Variants in CAMTA1 observed in about 807,000 individuals in gnomAD.
CAMTA1 encodes calmodulin-binding transcription activator 1.
In CAMTA1, 27 loss-of-function variants were observed where a neutral mutation model predicts 170.9. The ratio of observed to expected loss-of-function variants is 0.16; its 90% CI spans 0.12 to 0.22. The LOEUF (loss-of-function observed/expected upper bound fraction) is 0.22, where lower values mean the gene tolerates loss of function less well. Ranked by LOEUF, CAMTA1 falls within the 10% of genes least tolerant of loss-of-function variation. The pLI, the probability that CAMTA1 is intolerant of heterozygous loss-of-function variation, is 1.00. For synonymous variants in CAMTA1, 833 were observed against 891.5 expected, an observed-to-expected ratio of 0.93 and a Z score of 1.17; for missense variants, 1,619 against 2,217.2, an observed-to-expected ratio of 0.73 and a Z score of 5.42.
chr1:7,212,678 A>G (rs1044205178), intron 4 of CAMTA1, among the ~76,000 whole-genome samples: 1 of 152,180 alleles, frequency 6.6e-6, no homozygotes, highest in Non-Finnish European at 1.5e-5. Context: ...AGGATACTTG[A>G]TGTTGGCACA....
intron 5 of CAMTA1, among the ~76,000 whole-genome samples, chr1:7,329,203 G>A (rs1472995197): frequency 2.0e-5 from 3 of 151,778 alleles, no homozygotes; most frequent in Non-Finnish European, 4.4e-5. Flanking sequence ...AAAATCCCAA[G>A]CTCTAAATTA....
At chr1:6,951,599 G>A (rs1194477664) in intron 3 of CAMTA1, among the ~76,000 whole-genome samples, 3 of 152,164 alleles carry the variant, frequency 2.0e-5, no homozygotes, top group African/African-American at 7.2e-5. Context: ...TAAAGCTCCA[G>A]CCCCCACAGA....
At chr1:7,000,531 C>T (rs1468551070) in intron 3 of CAMTA1, among the ~76,000 whole-genome samples, 1 of 152,178 alleles carries the variant, frequency 6.6e-6, no homozygotes, top group Non-Finnish European at 1.5e-5. Context: ...GTGGAACAGT[C>T]TGGCTGTCTC....
At chr1:7,056,693 G>A (rs192618878) in intron 3 of CAMTA1, among the ~76,000 whole-genome samples, 3 of 152,172 alleles carry the variant, frequency 2.0e-5, no homozygotes, top group East Asian at 1.9e-4. Flanking sequence ...GGGACTCCCA[G>A]AGCCCACCCT....
intron 4 of CAMTA1, among the ~76,000 whole-genome samples, chr1:7,123,581 C>T (rs1644766695): frequency 6.6e-6 from 1 of 152,136 alleles, no homozygotes; most frequent in Admixed American, 6.5e-5. Context: ...TCACCGCTCG[C>T]CTTCACCCAG....
At position 7,592,146 on chromosome 1, in the gene CAMTA1, G is replaced by A. The variant is rs557429397; in HGVS notation, c.511-48254G>A. Among the ~76,000 whole-genome samples the A allele has an allele frequency of 5.3e-5, 8 of 152,188 alleles. No homozygotes were observed. Among genetic ancestry groups the A allele is most frequent in the African/African-American group, 1.4e-4 (6 of 41,526 alleles). ...ACTCCTGACCTCAGATGATCTGCCCGCCTCAACCTCCCAAAGTGCTAGGAT... is the reference window on the plus strand; with the variant it reads ...ACTCCTGACCTCAGATGATCTGCCCACCTCAACCTCCCAAAGTGCTAGGAT... On this transcript the variant is annotated intron_variant, in intron 6 of 22. Coordinates refer to ENST00000303635, the MANE Select transcript of CAMTA1 (RefSeq NM_015215.4). The surrounding 1 kb of genome is among the most constrained non-coding windows in gnomAD (Gnocchi z 4.6).
At chr1:7,341,093 C>G (rs2083795087) in intron 5 of CAMTA1, among the ~76,000 whole-genome samples, 1 of 152,228 alleles carries the variant, frequency 6.6e-6, no homozygotes, top group African/African-American at 2.4e-5. Context: ...GACACCAGCT[C>G]TCTGACCACA....
At chr1:6,995,143 GT>G (rs1696995940) in intron 3 of CAMTA1, among the ~76,000 whole-genome samples, 1 of 151,114 alleles carries the variant, frequency 6.6e-6, no homozygotes, top group South Asian at 2.1e-4. Context: ...ACCAAGGCTT[GT>G]TCATGTTTTT....
intron 5 of CAMTA1, 99 bp from the exon 6 acceptor site, chr1:7,467,731 C>G: frequency 1.8e-6 from 2 of 1,092,150 alleles, no homozygotes; most frequent in Non-Finnish European, 2.8e-6. Flanking sequence ...CGCTGCCAGG[C>G]GGCTGTGGCC....
At chr1:6,908,723 G>A (rs1420047901) in intron 3 of CAMTA1, among the ~76,000 whole-genome samples, 1 of 152,220 alleles carries the variant, frequency 6.6e-6, no homozygotes, top group African/African-American at 2.4e-5. Flanking sequence ...TGGGGTTATG[G>A]CATTGTGAGC....
At chr1:7,182,143 C>T (rs1652301656) in intron 4 of CAMTA1, among the ~76,000 whole-genome samples, 1 of 151,958 alleles carries the variant, frequency 6.6e-6, no homozygotes, top group South Asian at 2.1e-4. Flanking sequence ...TCCGGGATGA[C>T]CAGGCAGCCT....
chr1:6,896,557 A>G (rs1019715307), intron 3 of CAMTA1, among the ~76,000 whole-genome samples: 1 of 152,138 alleles, frequency 6.6e-6, no homozygotes, highest in Admixed American at 6.5e-5. Flanking sequence ...TTGGTCAGCC[A>G]CTTTTCGTTT....
chr1:6,896,737 C>T (rs911952156), intron 3 of CAMTA1, among the ~76,000 whole-genome samples: 4 of 152,032 alleles, frequency 2.6e-5, no homozygotes, highest in African/African-American at 4.8e-5. Context: ...AAAAGAATCA[C>T]GTTTCCAACT....
chr1:7,020,795 A>G (rs964691968), intron 3 of CAMTA1, among the ~76,000 whole-genome samples: 2 of 152,226 alleles, frequency 1.3e-5, no homozygotes, highest in Non-Finnish European at 1.5e-5. Flanking sequence ...GCTGACCCCA[A>G]TGCCACAGGA....
At chr1:7,750,346 A>C (rs1394782186) in intron 19 of CAMTA1, among the ~76,000 whole-genome samples, 1 of 152,230 alleles carries the variant, frequency 6.6e-6, no homozygotes, top group African/African-American at 2.4e-5. Flanking sequence ...TTTCTGGGGA[A>C]TATTTTTCCT....
intron 5 of CAMTA1, among the ~76,000 whole-genome samples, chr1:7,345,371 G>A (rs2084151653): frequency 1.3e-5 from 2 of 151,870 alleles, no homozygotes; most frequent in South Asian, 2.1e-4. Flanking sequence ...TTGAAATCTG[G>A]ATCTATCTGG....
chr1:6,796,031 T>A (rs146628263), intron 1 of CAMTA1, among the ~76,000 whole-genome samples: 212 of 152,338 alleles, frequency 1.4e-3, no homozygotes, highest in Non-Finnish European at 2.6e-3. Context: ...CTCATGATTT[T>A]GTGACTTGAA....
At chr1:7,655,678 TACACACCTATAC>T (rs1558066831) in intron 7 of CAMTA1, among the ~76,000 whole-genome samples, 1 of 131,236 alleles carries the variant, frequency 7.6e-6, no homozygotes, top group Non-Finnish European at 1.8e-5. Context: ...CACACACTGA[TACACACCTATAC>T]ACACACACCT....
At chr1:7,733,303 CT>C (rs1361058757) in intron 12 of CAMTA1, among the ~76,000 whole-genome samples, 2 of 152,144 alleles carry the variant, frequency 1.3e-5, no homozygotes, top group Non-Finnish European at 2.9e-5. Context: ...TATTTTATCC[CT>C]ATCTTAAGTG....
Sources: allele counts gnomAD v4.1 joint callset (sites outside exome capture counted in the v4.1 genomes callset), GRCh38; gene constraint gnomAD v4.1.1; non-coding constraint Gnocchi (gnomAD v3.1); transcripts MANE v1.5; gene names NCBI Gene and HGNC (gene_info 2026-07-23, HGNC 2026-07-21).